RSPH14: variants seen among roughly 807,000 people sequenced by gnomAD.
RSPH14 encodes the protein rhabdoid tumor deletion region gene 1.
A neutral mutation model predicts 26.7 loss-of-function variants in RSPH14; 20 were observed. The ratio of observed to expected loss-of-function variants is 0.75; its 90% CI spans 0.53 to 1.09. The LOEUF is 1.09. RSPH14 is among the 50% of genes least tolerant of loss of function. The probability of loss-of-function intolerance (pLI) is 0.00; values close to 1 mark genes in which losing one functional copy is unlikely to be tolerated. For synonymous variants in RSPH14, 177 were observed against 189.3 expected (o/e 0.93, Z 0.53); for missense variants, 449 against 457.2 (o/e 0.98, Z 0.16).
upstream of RSPH14, among the ~76,000 whole-genome samples, chr22:23,148,314 A>G (rs114176555): frequency 6.2e-3 from 940 of 152,298 alleles, 8 homozygotes; most frequent in African/African-American, 0.021. Context: ...GTAACTAGGG[A>G]TGACAGAGAC....
At chr22:23,146,312 A>C (rs923726875), upstream of RSPH14, among the ~76,000 whole-genome samples, 2 of 152,014 alleles carry the variant, frequency 1.3e-5, no homozygotes, top group African/African-American at 4.8e-5. Flanking sequence ...AGGCTCAAGC[A>C]TTCCTCCCAC....
chr22:23,155,375 CTT>C, the RSPH14 span, among the ~76,000 whole-genome samples: 1 of 152,200 alleles, frequency 6.6e-6, no homozygotes, highest in East Asian at 1.9e-4. Context: ...TTGTTGTACT[CTT>C]TTCCATGGAG....
Position 23,059,435 on chromosome 22 carries a change from A to G in RSPH14, c.*27T>C, listed in dbSNP as rs2068041738. On this transcript the variant is annotated 3_prime_UTR_variant, in exon 7 of 7. Coordinates refer to ENST00000216036, the MANE Select transcript of RSPH14 (RefSeq NM_014433.3). ...CGAGATAAAGAGACTTAGCACATTT[A>G]TTCACTCACAGAGGTGAATGAAGGG... 1 of 1,560,218 alleles carries G rather than the reference A, an allele frequency of 6.4e-7. No individual in the cohort carries two copies. The highest frequency in any genetic ancestry group is 8.7e-7 in the Non-Finnish European group (1 of 1,148,902).
intron 4 of RSPH14, among the ~76,000 whole-genome samples, chr22:23,086,468 C>T (rs1477187187): frequency 3.9e-5 from 6 of 152,328 alleles, no homozygotes; most frequent in Non-Finnish European, 8.8e-5. Context: ...TCTCCAGCCA[C>T]GGGCCTCTGG....
At chr22:23,130,153 AAG>A (rs1258988750) in intron 4 of RSPH14, among the ~76,000 whole-genome samples, 4 of 125,100 alleles carry the variant, frequency 3.2e-5, no homozygotes, top group East Asian at 2.4e-4. Context: ...GAAAGAAAGA[AAG>A]AAAGAAAAAG....
rs374285590 is a variant in RSPH14, at chr22:23,140,453, A to G, written c.-33T>C. ...CAACTACAGAGGCCTTTCCAAATGA[A>G]GCTCTGCAGAAACCACTCACTAAAA... On this transcript the variant is annotated 5_prime_UTR_variant, in exon 2 of 7. Transcript: ENST00000216036. 1 of 1,609,672 alleles carries G rather than the reference A, an allele frequency of 6.2e-7. No homozygotes were observed. Among genetic ancestry groups the G allele is most frequent in the South Asian group, 1.1e-5 (1 of 90,306 alleles).
At chr22:23,107,132 G>A (rs71316788) in intron 4 of RSPH14, among the ~76,000 whole-genome samples, 2 of 152,214 alleles carry the variant, frequency 1.3e-5, no homozygotes, top group African/African-American at 4.8e-5. Flanking sequence ...TGCTGTTTGA[G>A]GTGCCAGGCT....
At chr22:23,153,258 G>T in the RSPH14 span, 9 of 751,054 alleles carry the variant, frequency 1.2e-5, no homozygotes, top group Non-Finnish European at 1.8e-5. Context: ...GAGCCTGGGG[G>T]TGTTGTGTGA....
chr22:23,118,601 C>G (rs1376934025), intron 4 of RSPH14, among the ~76,000 whole-genome samples: 1 of 152,196 alleles, frequency 6.6e-6, no homozygotes, highest in African/African-American at 2.4e-5. Context: ...GGAGTCAGCC[C>G]CTCTTGAGGC....
chr22:23,122,604 T>G, intron 4 of RSPH14: 1 of 164,124 alleles, frequency 6.1e-6, no homozygotes, highest in Non-Finnish European at 1.3e-5. Flanking sequence ...TTTGAAGGAC[T>G]GGGCCAGAAC....
intron 4 of RSPH14, among the ~76,000 whole-genome samples, chr22:23,094,366 C>T (rs1046992797): frequency 1.3e-5 from 2 of 152,036 alleles, no homozygotes; most frequent in African/African-American, 4.8e-5. Context: ...CTAGGGTGTG[C>T]CCCTCCCTGC....
intron 4 of RSPH14, among the ~76,000 whole-genome samples, chr22:23,093,078 C>A (rs1378881021): frequency 6.6e-6 from 1 of 152,254 alleles, no homozygotes; most frequent in Admixed American, 6.5e-5. Context: ...CTCCATCCTC[C>A]ATGCGCTCAT....
chr22:23,088,968 TCTC>T (rs2068888697), intron 4 of RSPH14, among the ~76,000 whole-genome samples: 1 of 152,170 alleles, frequency 6.6e-6, no homozygotes, highest in Non-Finnish European at 1.5e-5. Flanking sequence ...TACAGTTCCG[TCTC>T]CTCAACAAGC....
intron 4 of RSPH14, among the ~76,000 whole-genome samples, chr22:23,111,872 G>A (rs1601822547): frequency 1.3e-5 from 2 of 152,336 alleles, no homozygotes; most frequent in East Asian, 3.9e-4. Flanking sequence ...TGGGCTGTCT[G>A]AAACCAAGGT....
intron 5 of RSPH14, among the ~76,000 whole-genome samples, chr22:23,063,017 G>A (rs1384797268): frequency 1.3e-5 from 2 of 152,238 alleles, no homozygotes; most frequent in Non-Finnish European, 2.9e-5. Flanking sequence ...AGTAACGGCA[G>A]GGATGGTGGT....
chr22:23,125,242 G>C (rs1398322051), intron 4 of RSPH14, among the ~76,000 whole-genome samples: 2 of 152,166 alleles, frequency 1.3e-5, no homozygotes, highest in East Asian at 3.9e-4. Context: ...GGGGAAACCT[G>C]CCAGGTCCAT....
intron 4 of RSPH14, among the ~76,000 whole-genome samples, chr22:23,083,307 C>T (rs1445414970): frequency 1.3e-5 from 2 of 152,036 alleles, no homozygotes; most frequent in Non-Finnish European, 2.9e-5. Context: ...AGAGCTGGCC[C>T]ACAGAGTCCC....
chr22:23,161,393 C>T, the RSPH14 span: 510,547 of 1,025,976 alleles, frequency 0.5, 128,839 homozygotes, highest in East Asian at 0.63. Context: ...GAACAGCAGG[C>T]CCAGAAGCTT....
chr22:23,109,900 C>T (rs748447308), intron 4 of RSPH14, among the ~76,000 whole-genome samples: 2 of 152,202 alleles, frequency 1.3e-5, no homozygotes, highest in East Asian at 1.9e-4. Context: ...TGAGGCTGGC[C>T]GTCAGCACCA....
Sources: gnomAD v4.1 joint callset for allele counts (sites outside exome capture counted in the v4.1 genomes callset) on GRCh38, gnomAD v4.1.1 for gene constraint, MANE v1.5 for transcripts, NCBI Gene and HGNC (gene_info 2026-07-23, HGNC 2026-07-21) for gene names.